The following VWA3B variants were observed in gnomAD, a reference collection of about 807,000 sequenced individuals.
The protein encoded by VWA3B is von Willebrand factor A domain-containing protein 3B.
In VWA3B, 138 loss-of-function variants were observed where a neutral mutation model predicts 158.3. The ratio of observed to expected loss-of-function variants is 0.87; its 90% CI spans 0.76 to 1.00. VWA3B has a LOEUF of 1.00. Ranked by LOEUF, VWA3B falls within the 50% of genes least tolerant of loss-of-function variation. The probability of loss-of-function intolerance (pLI) is 0.00; values close to 1 mark genes in which losing one functional copy is unlikely to be tolerated. For synonymous variants in VWA3B, 596 were observed against 587.3 expected, an observed-to-expected ratio of 1.01 and a Z score of -0.21; for missense variants, 1,555 against 1,565.1, an observed-to-expected ratio of 0.99 and a Z score of 0.11.
At chr2:98,165,605 G>A (rs1007734728) in intron 8 of VWA3B, among the ~76,000 whole-genome samples, 14 of 152,156 alleles carry the variant, frequency 9.2e-5, no homozygotes, top group African/African-American at 3.4e-4. Flanking sequence ...TGGGGATGGG[G>A]ACTTGTGTAG....
chr2:98,225,624 G>A lies in VWA3B; in HGVS notation c.2020-2578G>A, dbSNP rs73963256. On this transcript the variant is annotated intron_variant, in intron 14 of 27. Coordinates refer to ENST00000477737, the MANE Select transcript of VWA3B (RefSeq NM_144992.5). The stretch of plus-strand genomic sequence containing the variant: ...AACAAGGCAAGAAAAGAAATAAAAG[G>A]CATACAGATTGAGAAGGAAGAAATA... Among the ~76,000 whole-genome samples, 1,264 of 151,186 alleles carry A rather than the reference G, an allele frequency of 8.4e-3. 18 individuals carry two copies. The highest frequency in any genetic ancestry group is 0.029 in the African/African-American group (1,190 of 41,200).
chr2:98,308,724 A>G (rs1690688558), intron 26 of VWA3B, among the ~76,000 whole-genome samples: 1 of 152,208 alleles, frequency 6.6e-6, no homozygotes, highest in African/African-American at 2.4e-5. Context: ...GCATTACTCA[A>G]CCACCCACAG....
At chr2:98,128,204 G>A in intron 5 of VWA3B, 35 bp from the exon 6 acceptor site, 1 of 1,610,348 alleles carries the variant, frequency 6.2e-7, no homozygotes, top group Non-Finnish European at 8.5e-7. Context: ...TAGGGCATGT[G>A]AGGGAGATAA....
chr2:98,183,241 T>C (rs1680744006), intron 9 of VWA3B, among the ~76,000 whole-genome samples: 1 of 150,834 alleles, frequency 6.6e-6, no homozygotes, highest in Non-Finnish European at 1.5e-5. Flanking sequence ...GACAGTTTTA[T>C]TTTTAGTCTT....
intron 21 of VWA3B, among the ~76,000 whole-genome samples, chr2:98,268,151 A>G (rs887222324): frequency 6.6e-6 from 1 of 151,560 alleles, no homozygotes; most frequent in Non-Finnish European, 1.5e-5. Flanking sequence ...AACTATTCCA[A>G]TCAATAGAAA....
chr2:98,121,171 T>C (rs1242585068), intron 4 of VWA3B, 128 bp from the exon 5 acceptor site: 7 of 1,194,830 alleles, frequency 5.9e-6, no homozygotes, highest in South Asian at 5.0e-5. Context: ...CTGGGAGCTA[T>C]GATTTCTTTC....
At chr2:98,260,552 T>C (rs1461274271) in intron 21 of VWA3B, among the ~76,000 whole-genome samples, 3 of 151,846 alleles carry the variant, frequency 2.0e-5, no homozygotes, top group African/African-American at 7.2e-5. Context: ...GTAGGTTATA[T>C]GCAAATATGA....
chr2:98,144,800 C>T (rs188833725), intron 7 of VWA3B, among the ~76,000 whole-genome samples: 121 of 124,642 alleles, frequency 9.7e-4, no homozygotes, highest in Non-Finnish European at 8.5e-4. Context: ...CTCCTGACCT[C>T]AGGTGATTCA....
Position 98,300,169 on chromosome 2 carries a change from G to T in VWA3B, c.3373G>T (p.Val1125Leu), listed in dbSNP as rs915767383. Reference sequence around the variant, plus strand: ...TGTCATAGCACTTCCCAATAAGCATGTGGCCACAGAAAAATTCTACACAGT... The same window carrying T: ...TGTCATAGCACTTCCCAATAAGCATTTGGCCACAGAAAAATTCTACACAGT... Reference protein sequence around the residue: ...AIVIALPNKHVATEKFYTVLK... With the variant: ...AIVIALPNKHLATEKFYTVLK... The change falls in exon 25 of 28, where the codon GTG (valine) becomes TTG (leucine). Residue 1125 changes from valine to leucine, a missense_variant. Physicochemically the swap from Val to Leu is conservative, Grantham distance 32. Transcript: ENST00000477737. 1.9e-6 allele frequency: 3 copies of T among 1,614,102 alleles called. No homozygotes were observed. In the African/African-American group the frequency reaches 4.0e-5, roughly 22 times the overall value.
chr2:98,194,053 C>T (rs1461768281), intron 11 of VWA3B, among the ~76,000 whole-genome samples: 2 of 151,914 alleles, frequency 1.3e-5, no homozygotes, highest in African/African-American at 4.8e-5. Context: ...TTGGTATATC[C>T]TTAATGTTAG....
chr2:98,181,239 G>A, intron 9 of VWA3B, 27 bp downstream of exon 9: 1 of 1,604,958 alleles, frequency 6.2e-7, no homozygotes, highest in South Asian at 1.1e-5. Flanking sequence ...CCTGGGAGGG[G>A]CTGGGGCCTC....
intron 22 of VWA3B, among the ~76,000 whole-genome samples, chr2:98,278,371 C>T (rs533442769): frequency 2.2e-4 from 34 of 152,308 alleles, no homozygotes; most frequent in African/African-American, 7.7e-4. Context: ...CGTGTGTTAC[C>T]GTGCTCCTTT....
At chr2:98,279,364 C>T (rs914599766) in intron 22 of VWA3B, among the ~76,000 whole-genome samples, 1 of 152,192 alleles carries the variant, frequency 6.6e-6, no homozygotes, top group African/African-American at 2.4e-5. Context: ...GCACCCTCCT[C>T]GCTGGAGATT....
chr2:98,130,525 G>C (rs1205380179), intron 6 of VWA3B, among the ~76,000 whole-genome samples: 3 of 152,214 alleles, frequency 2.0e-5, no homozygotes, highest in African/African-American at 7.2e-5. Flanking sequence ...CCTAGGCAGA[G>C]GTCCCTGCAG....
In VWA3B at chr2:98,236,413, G is replaced by A. The variant is rs1411446027; in HGVS notation, c.2452G>A (p.Glu818Lys). Residue 818 changes from glutamate (E) to lysine (K), a missense_variant, in exon 18 of 28, where the codon GAG (glutamate) becomes AAG (lysine). Coordinates refer to ENST00000477737, the MANE Select transcript of VWA3B (RefSeq NM_144992.5). ...AGAAATGAGCATCTTGCTGGCTGAG[G>A]AGTGGCTGGATGACAAATCGTCAGA... The part of the protein sequence containing the change: ...DKEMSILLAE[E>K]WLDDKSSEKV... 21 of 1,614,218 alleles carry A rather than the reference G, an allele frequency of 1.3e-5. No homozygotes were observed. Among genetic ancestry groups the A allele is most frequent in the Non-Finnish European group, 1.5e-5 (18 of 1,180,040 alleles).
intron 12 of VWA3B, among the ~76,000 whole-genome samples, chr2:98,209,129 C>T (rs1683276051): frequency 6.6e-6 from 1 of 152,012 alleles, no homozygotes; most frequent in South Asian, 2.1e-4. Flanking sequence ...TATTTCTCTT[C>T]AGCTTTTTTA....
the VWA3B span, among the ~76,000 whole-genome samples, chr2:98,324,914 A>C: frequency 1.8e-4 from 28 of 152,164 alleles, no homozygotes; most frequent in South Asian, 5.6e-3. Flanking sequence ...AATGTTAAAA[A>C]AAAAAAATCC....
intron 9 of VWA3B, among the ~76,000 whole-genome samples, chr2:98,186,254 C>G (rs1358277512): frequency 6.7e-6 from 1 of 148,774 alleles, no homozygotes; most frequent in African/African-American, 2.5e-5. Context: ...TTCTCCTTGT[C>G]CTTAACCTGT....
intron 21 of VWA3B, among the ~76,000 whole-genome samples, chr2:98,263,407 A>G (rs1687601783): frequency 6.6e-6 from 1 of 151,820 alleles, no homozygotes. Flanking sequence ...TTATGTTGAT[A>G]TAGTTTCTTA....
Sources: allele counts gnomAD v4.1 joint callset (sites outside exome capture counted in the v4.1 genomes callset), GRCh38; gene constraint gnomAD v4.1.1; transcripts MANE v1.5; gene names NCBI Gene and HGNC (gene_info 2026-07-23, HGNC 2026-07-21).